RETREG1: variants seen among roughly 807,000 people sequenced by gnomAD.
RETREG1 encodes family with sequence similarity 134 member B.
Under a neutral mutation model 54.8 loss-of-function variants are expected in RETREG1, and 44 were observed. The observed-to-expected ratio is 0.80, with a 90% CI of 0.63 to 1.03. The LOEUF is 1.03. RETREG1 is among the 50% of genes least tolerant of loss of function. RETREG1 has a pLI of 0.00. For synonymous variants in RETREG1, 217 were observed against 238.5 expected (o/e 0.91, Z 0.83); for missense variants, 554 against 605.1 (o/e 0.92, Z 0.89).
intron 3 of RETREG1, among the ~76,000 whole-genome samples, chr5:16,492,074 G>A (rs1446063264): frequency 6.6e-6 from 1 of 151,994 alleles, no homozygotes; most frequent in African/African-American, 2.4e-5. Context: ...AACAGAACTG[G>A]GCCCTGACGA....
intron 2 of RETREG1, among the ~76,000 whole-genome samples, chr5:16,566,975 A>G (rs1427829879): frequency 6.6e-6 from 1 of 152,228 alleles, no homozygotes; most frequent in East Asian, 1.9e-4. Flanking sequence ...TTCTCTAACA[A>G]TCCTGGAGCC....
chr5:16,541,544 G>T (rs926299459), intron 3 of RETREG1, among the ~76,000 whole-genome samples: 3 of 152,152 alleles, frequency 2.0e-5, no homozygotes, highest in Non-Finnish European at 2.9e-5. Flanking sequence ...AAAATTAGCT[G>T]GGCATGGTGG....
chr5:16,477,934 A>G (rs1019868678), intron 7 of RETREG1, 100 bp downstream of exon 7: 2 of 1,350,676 alleles, frequency 1.5e-6, no homozygotes, highest in African/African-American at 2.9e-5. Context: ...ATCTTACAGA[A>G]ATATGAGGAG....
chr5:16,519,816 C>G (rs1477227324), intron 3 of RETREG1, among the ~76,000 whole-genome samples: 1 of 152,220 alleles, frequency 6.6e-6, no homozygotes, highest in African/African-American at 2.4e-5. Context: ...ATTGTAAGGT[C>G]ACGCAACATA....
intron 5 of RETREG1, 101 bp downstream of exon 5, chr5:16,480,908 T>C (rs1579583998): frequency 3.9e-6 from 3 of 772,900 alleles, no homozygotes; most frequent in Non-Finnish European, 6.9e-6. Flanking sequence ...ACTTGTATTA[T>C]AGTTAAGAAC....
intron 3 of RETREG1, among the ~76,000 whole-genome samples, chr5:16,538,271 C>T (rs529257323): frequency 6.9e-4 from 105 of 152,294 alleles, no homozygotes; most frequent in African/African-American, 2.2e-3. Flanking sequence ...GGACAAAAGG[C>T]GCCCGTGATG....
intron 3 of RETREG1, among the ~76,000 whole-genome samples, chr5:16,491,667 G>A (rs1473881533): frequency 6.6e-6 from 1 of 152,104 alleles, no homozygotes; most frequent in Non-Finnish European, 1.5e-5. Context: ...CATCTATAGG[G>A]AAGAGTTTTG....
chr5:16,611,742 A>G (rs1430716531), intron 1 of RETREG1, among the ~76,000 whole-genome samples: 1 of 152,230 alleles, frequency 6.6e-6, no homozygotes, highest in South Asian at 2.1e-4. Context: ...AAAGCAGCAA[A>G]TAACTGATAC....
chr5:16,547,946 C>T (rs920894932), intron 3 of RETREG1, among the ~76,000 whole-genome samples: 1 of 151,882 alleles, frequency 6.6e-6, no homozygotes, highest in African/African-American at 2.4e-5. Flanking sequence ...GTTAGAAGAA[C>T]GTATTTAAAG....
chr5:16,533,130 C>T lies in RETREG1; in HGVS notation c.458+32633G>A, dbSNP rs111932819. ...CGCTACCTAGGCTCACTGCAAGCTC[C>T]GCCTCCCGGGTTCACGCCATTCTCC... On this transcript the variant is annotated intron_variant, in intron 3 of 8. Coordinates refer to ENST00000306320, the MANE Select transcript of RETREG1 (RefSeq NM_001034850.3). 2.9e-3 allele frequency among the ~76,000 whole-genome samples: 438 copies of T among 152,154 alleles called. 5 individuals are homozygous for T. The highest frequency in any genetic ancestry group is 0.01 in the African/African-American group (417 of 41,520).
intron 8 of RETREG1, among the ~76,000 whole-genome samples, chr5:16,476,441 A>C (rs186785238): frequency 8.5e-5 from 13 of 152,300 alleles, no homozygotes; most frequent in Middle Eastern, 3.4e-3. Context: ...CTCTCAATTT[A>C]AGTTTTGGAC....
At chr5:16,499,567 A>G (rs548791462) in intron 3 of RETREG1, among the ~76,000 whole-genome samples, 2 of 152,352 alleles carry the variant, frequency 1.3e-5, no homozygotes, top group Admixed American at 1.3e-4. Context: ...CAATTCAACC[A>G]AACTATCACC....
chr5:16,555,297 G>A (rs576906704), intron 3 of RETREG1, among the ~76,000 whole-genome samples: 3 of 152,208 alleles, frequency 2.0e-5, no homozygotes, highest in Non-Finnish European at 2.9e-5. Flanking sequence ...GACTACAGGC[G>A]TGAACCAACA....
chr5:16,560,034 A>G (rs1741814402), intron 3 of RETREG1, among the ~76,000 whole-genome samples: 1 of 152,242 alleles, frequency 6.6e-6, no homozygotes. Flanking sequence ...CCACATTTTC[A>G]CAAAGGAATT....
At chr5:16,560,635 T>C (rs1273167512) in intron 3 of RETREG1, among the ~76,000 whole-genome samples, 1 of 152,166 alleles carries the variant, frequency 6.6e-6, no homozygotes, top group Non-Finnish European at 1.5e-5. Context: ...AGGGGGAGGT[T>C]TCTGAGCTCA....
chr5:16,615,039 C>T (rs1300253945), intron 1 of RETREG1, among the ~76,000 whole-genome samples: 2 of 152,128 alleles, frequency 1.3e-5, no homozygotes, highest in Non-Finnish European at 2.9e-5. Flanking sequence ...CCCTTTTGTA[C>T]CTTTAAACTT....
chr5:16,607,553 G>A (rs1168581348), intron 1 of RETREG1, among the ~76,000 whole-genome samples: 3 of 152,080 alleles, frequency 2.0e-5, no homozygotes, highest in Non-Finnish European at 2.9e-5. Flanking sequence ...GGCGGAGACT[G>A]CAGTGAGCCA....
At chr5:16,498,483 C>T (rs896822588) in intron 3 of RETREG1, among the ~76,000 whole-genome samples, 4 of 152,326 alleles carry the variant, frequency 2.6e-5, no homozygotes, top group African/African-American at 7.2e-5. Flanking sequence ...GAAGTCGAGG[C>T]GGATGGATTG....
intron 1 of RETREG1, among the ~76,000 whole-genome samples, chr5:16,587,741 AT>A (rs1417965597): frequency 6.6e-6 from 1 of 152,194 alleles, no homozygotes; most frequent in Middle Eastern, 3.2e-3. Flanking sequence ...CCAACCAAGG[AT>A]GCAAAGAACT....
Sources: allele counts gnomAD v4.1 joint callset (sites outside exome capture counted in the v4.1 genomes callset), GRCh38; gene constraint gnomAD v4.1.1; transcripts MANE v1.5; gene names NCBI Gene and HGNC (gene_info 2026-07-23, HGNC 2026-07-21).